UST: variants seen among roughly 807,000 people sequenced by gnomAD.
UST encodes chondroitin sulfate 2-O-sulfotransferase.
In UST, 21 loss-of-function variants were observed where a neutral mutation model predicts 45.6. The observed-to-expected ratio is 0.46, with a 90% CI of 0.33 to 0.66. The LOEUF (loss-of-function observed/expected upper bound fraction) is 0.66. Among genes scored for constraint, UST ranks in the 30% least tolerant of loss-of-function variants. The pLI is 0.02. For missense variants in UST, 463 were observed against 512.4 expected, an observed-to-expected ratio of 0.90 and a Z score of 0.93; for synonymous variants, 215 against 200.6, an observed-to-expected ratio of 1.07 and a Z score of -0.61.
intron 1 of UST, among the ~76,000 whole-genome samples, chr6:148,801,970 T>G (rs544739932): frequency 2.0e-5 from 3 of 152,344 alleles, no homozygotes; most frequent in African/African-American, 4.8e-5. Flanking sequence ...CTGTCACTCT[T>G]AAATTTCAGT....
At chr6:148,835,475 C>A (rs17663626) in intron 1 of UST, among the ~76,000 whole-genome samples, 1 of 152,236 alleles carries the variant, frequency 6.6e-6, no homozygotes, top group East Asian at 1.9e-4. Context: ...CTTAATCAAA[C>A]GTGTCCCTGG....
intron 2 of UST, among the ~76,000 whole-genome samples, chr6:148,929,064 C>A (rs936373551): frequency 3.3e-5 from 5 of 152,230 alleles, no homozygotes; most frequent in African/African-American, 1.2e-4. Flanking sequence ...GCTGCTCTTA[C>A]TCCCTTTTCT....
chr6:149,024,540 C>T (rs1243866250), intron 7 of UST, among the ~76,000 whole-genome samples: 1 of 151,498 alleles, frequency 6.6e-6, no homozygotes, highest in Non-Finnish European at 1.5e-5. Context: ...AGGCAGAGGA[C>T]AAGAGATCAA....
chr6:148,753,688 T>A (rs1776034296), intron 1 of UST, among the ~76,000 whole-genome samples: 2 of 152,174 alleles, frequency 1.3e-5, no homozygotes. Context: ...TATGGGTATA[T>A]ACCTAGGAGT....
rs1398232304 is a variant in UST, at chr6:149,005,528, C to T, written c.682-13611C>T. On this transcript the variant is annotated intron_variant, in intron 5 of 7. Transcript: ENST00000367463. ...TAATGAGATAGAATTAGTAAAGTCT[C>T]CAGTGTACTTTTCATTCCTTCCACA... 5 of 985,234 alleles carry T rather than the reference C, an allele frequency of 5.1e-6. No individual in the cohort carries two copies. In the East Asian group the frequency reaches 4.5e-4, roughly 89 times the overall value. 61.0% of individuals were successfully genotyped at this position (985,234 alleles called of 1,614,324 possible).
rs531386651 is a variant in UST, at chr6:149,008,521, C to G, written c.682-10618C>G. On this transcript the variant is annotated intron_variant, in intron 5 of 7. Transcript: ENST00000367463. ...AAAGGGTGAGACACGCAACAGTGAG[C>G]AGAAAAACAAGGTTGAAACCCTTGT... Among the ~76,000 whole-genome samples, 12 of 152,200 alleles carry G rather than the reference C, an allele frequency of 7.9e-5. No homozygotes were observed. In the South Asian group the frequency reaches 1.0e-3, roughly 13 times the overall value.
intron 1 of UST, among the ~76,000 whole-genome samples, chr6:148,860,041 G>A (rs1369326753): frequency 6.6e-6 from 1 of 152,134 alleles, no homozygotes; most frequent in African/African-American, 2.4e-5. Context: ...GAAAGTCATT[G>A]GTAGCTTAAT....
chr6:148,844,535 G>GA (rs1188454798), intron 1 of UST, among the ~76,000 whole-genome samples: 1 of 152,202 alleles, frequency 6.6e-6, no homozygotes, highest in Non-Finnish European at 1.5e-5. Context: ...CCACTGATCA[G>GA]AAAGTTACCT....
chr6:148,951,059 A>G (rs1780354288), intron 3 of UST, among the ~76,000 whole-genome samples: 1 of 152,220 alleles, frequency 6.6e-6, no homozygotes, highest in South Asian at 2.1e-4. Flanking sequence ...GAAAGAGGGA[A>G]CTTAAACTGG....
At chr6:148,811,356 A>G (rs1582826716) in intron 1 of UST, among the ~76,000 whole-genome samples, 1 of 152,182 alleles carries the variant, frequency 6.6e-6, no homozygotes, top group African/African-American at 2.4e-5. Flanking sequence ...AAACCAGCAC[A>G]CCGTTTCTTC....
intron 7 of UST, among the ~76,000 whole-genome samples, chr6:149,070,088 G>T (rs1344002549): frequency 6.6e-6 from 1 of 151,990 alleles, no homozygotes; most frequent in Non-Finnish European, 1.5e-5. Flanking sequence ...TTTAAGTAAT[G>T]AATTTATTTT....
At chr6:148,791,932 A>T (rs913291335) in intron 1 of UST, among the ~76,000 whole-genome samples, 3 of 152,210 alleles carry the variant, frequency 2.0e-5, no homozygotes, top group Non-Finnish European at 4.4e-5. Context: ...CTAAGCTTGC[A>T]CACTTACTTT....
intron 5 of UST, among the ~76,000 whole-genome samples, chr6:148,975,979 T>A (rs1321912231): frequency 6.6e-6 from 1 of 152,180 alleles, no homozygotes; most frequent in South Asian, 2.1e-4. Context: ...AAAGGCATTA[T>A]AGGCAACATT....
In UST at chr6:148,986,378, A is replaced by G. The variant is rs1223751453; in HGVS notation, c.681+21815A>G. Among the ~76,000 whole-genome samples the G allele has an allele frequency of 4.6e-5, 7 of 152,220 alleles. No homozygotes were observed. In the East Asian group the frequency reaches 1.3e-3, roughly 29 times the overall value. On this transcript the variant is annotated intron_variant, in intron 5 of 7. Transcript: ENST00000367463. ...GAGGTTAAGTAACTTGCCTCAGTTCATACCACTAGTAAGTAATAGAGCCTG... is the reference window on the plus strand; with the variant it reads ...GAGGTTAAGTAACTTGCCTCAGTTCGTACCACTAGTAAGTAATAGAGCCTG...
intron 2 of UST, among the ~76,000 whole-genome samples, chr6:148,933,771 C>G (rs535972022): frequency 4.7e-4 from 71 of 152,166 alleles, no homozygotes; most frequent in Middle Eastern, 6.8e-3. Context: ...TGGCGATGAT[C>G]TCAAAATGGG....
chr6:149,069,904 G>A (rs1776794734), intron 7 of UST, among the ~76,000 whole-genome samples: 1 of 152,188 alleles, frequency 6.6e-6, no homozygotes, highest in Non-Finnish European at 1.5e-5. Context: ...TGTAGTCAAG[G>A]TATTTATATG....
intron 7 of UST, among the ~76,000 whole-genome samples, chr6:149,049,173 GA>G (rs989637955): frequency 1.1e-4 from 17 of 150,666 alleles, no homozygotes; most frequent in East Asian, 1.9e-4. Context: ...TTCAATGCTA[GA>G]AAAAAAAATC....
chr6:148,961,330 A>G (rs1780652695), intron 4 of UST, among the ~76,000 whole-genome samples: 1 of 152,184 alleles, frequency 6.6e-6, no homozygotes, highest in Admixed American at 6.5e-5. Context: ...GTTGAACAAA[A>G]AACAAAATAT....
chr6:148,984,330 C>T (rs1781197853), intron 5 of UST, among the ~76,000 whole-genome samples: 1 of 152,062 alleles, frequency 6.6e-6, no homozygotes, highest in African/African-American at 2.4e-5. Context: ...GGGAACAATA[C>T]GTGCATAGGT....
Sources: gnomAD v4.1 joint callset for allele counts (sites outside exome capture counted in the v4.1 genomes callset) on GRCh38, gnomAD v4.1.1 for gene constraint, MANE v1.5 for transcripts, NCBI Gene and HGNC (gene_info 2026-07-23, HGNC 2026-07-21) for gene names.